Variants in PCDHGB6 observed in about 807,000 individuals in gnomAD.
PCDHGB6 encodes the protein protocadherin gamma subfamily B, 6.
In PCDHGB6, 51 loss-of-function variants were observed where a neutral mutation model predicts 59.1. The observed-to-expected ratio is 0.86, with a 90% CI of 0.69 to 1.09. The LOEUF is 1.09. Among genes scored for constraint, PCDHGB6 ranks in the 50% least tolerant of loss-of-function variants. The pLI is 0.00. For missense variants in PCDHGB6, 1,148 were observed against 1,205.1 expected, an observed-to-expected ratio of 0.95 and a Z score of 0.70; for synonymous variants, 466 against 495.1, an observed-to-expected ratio of 0.94 and a Z score of 0.78.
At position 141,487,710 on chromosome 5, in the gene PCDHGB6, G is replaced by A. The variant is rs199722860; in HGVS notation, c.2419-7097G>A. ...CTAGAGAGTACTGGCCTCTCAGTAA[G>A]TGCCCATAGTGATGTCACCATTTTT... On this transcript the variant is annotated intron_variant, in intron 1 of 3. Transcript: ENST00000520790. The surrounding 1 kb of genome is among the most constrained non-coding windows in gnomAD (Gnocchi z 5.0). 3.8e-4 allele frequency: 596 copies of A among 1,586,168 alleles called. No individual in the cohort carries two copies. The highest frequency in any genetic ancestry group is 4.5e-4 in the Non-Finnish European group (529 of 1,164,386).
At chr5:141,427,912 A>G in intron 1 of PCDHGB6, 1 of 1,577,806 alleles carries the variant, frequency 6.3e-7, no homozygotes, top group East Asian at 2.2e-5. Flanking sequence ...CTCAGCGCCA[A>G]CATGAGCCGG....
At chr5:141,418,654 G>C (rs2096278227) in intron 1 of PCDHGB6, 1 of 1,614,016 alleles carries the variant, frequency 6.2e-7, no homozygotes, top group African/African-American at 1.3e-5. Context: ...TGAGAGTGAA[G>C]GCCACTGACC....
chr5:141,488,113 T>C (rs1053996929), intron 1 of PCDHGB6, among the ~76,000 whole-genome samples: 1 of 152,084 alleles, frequency 6.6e-6, no homozygotes, highest in African/African-American at 2.4e-5. Flanking sequence ...ATTTGAAACA[T>C]AGAGACAGCA....
chr5:141,419,967 TTCTC>T (rs1324855239), intron 1 of PCDHGB6: 2 of 1,614,086 alleles, frequency 1.2e-6, no homozygotes, highest in Admixed American at 3.3e-5. Context: ...TCTGTGCTCT[TTCTC>T]CTCGCGGTGA....
chr5:141,508,904 T>C (rs1421450229), intron 3 of PCDHGB6, among the ~76,000 whole-genome samples: 2 of 151,336 alleles, frequency 1.3e-5, no homozygotes, highest in African/African-American at 4.9e-5. Context: ...GGCGGGGCGG[T>C]GGCGGATCTG....
At chr5:141,417,972 C>T (rs2154547391) in intron 1 of PCDHGB6, 2 of 1,613,830 alleles carry the variant, frequency 1.2e-6, no homozygotes, top group Admixed American at 1.7e-5. Flanking sequence ...TACTCGATTC[C>T]GGAGGAGCTG....
chr5:141,457,997 G>A (rs2098934533), intron 1 of PCDHGB6, among the ~76,000 whole-genome samples: 1 of 152,152 alleles, frequency 6.6e-6, no homozygotes, highest in Non-Finnish European at 1.5e-5. Context: ...TAAAGCCTTG[G>A]CAAAATAACC....
chr5:141,450,776 C>G (rs757791026), intron 1 of PCDHGB6, among the ~76,000 whole-genome samples: 1 of 151,440 alleles, frequency 6.6e-6, no homozygotes, highest in Non-Finnish European at 1.5e-5. Flanking sequence ...CATGAGCCAC[C>G]GTGCCCGGAC....
intron 1 of PCDHGB6, among the ~76,000 whole-genome samples, chr5:141,448,016 G>A (rs903673535): frequency 6.6e-6 from 1 of 152,006 alleles, no homozygotes; most frequent in South Asian, 2.1e-4. Context: ...AACCCAGGAG[G>A]TGGAGGTTGC....
At chr5:141,510,917 C>A in intron 3 of PCDHGB6, 30 bp from the exon 4 acceptor site, 2 of 1,613,854 alleles carry the variant, frequency 1.2e-6, no homozygotes, top group Non-Finnish European at 8.5e-7. Flanking sequence ...CTAAGTTTAG[C>A]TCCCACCTGA....
intron 1 of PCDHGB6, chr5:141,411,226 C>G (rs781690096): frequency 6.6e-6 from 1 of 151,996 alleles, no homozygotes; most frequent in South Asian, 2.1e-4. Flanking sequence ...TTCAAATTTG[C>G]GAAGACTTAG....
rs763104309 is a variant in PCDHGB6, at chr5:141,432,042, G to A, written c.2418+21422G>A. 5 of 1,614,090 alleles carry A rather than the reference G, an allele frequency of 3.1e-6. No homozygotes were observed. The African/African-American group carries it at 6.7e-5, about 22-fold the overall frequency. ...ATCACAGTGACCGCCACTGACCGGG[G>A]AACCCCGCCCCTATCCACGGAAACT... On this transcript the variant is annotated intron_variant, in intron 1 of 3. Transcript: ENST00000520790. The surrounding 1 kb of genome is among the most constrained non-coding windows in gnomAD (Gnocchi z 6.0).
intron 1 of PCDHGB6, chr5:141,422,075 G>A (rs1192481253): frequency 1.9e-6 from 3 of 1,612,092 alleles, no homozygotes; most frequent in East Asian, 2.2e-5. Flanking sequence ...TATTCATTTC[G>A]GAACATGGAA....
chr5:141,459,259 G>T (rs996530664), intron 1 of PCDHGB6, among the ~76,000 whole-genome samples: 1 of 152,140 alleles, frequency 6.6e-6, no homozygotes, highest in Non-Finnish European at 1.5e-5. Context: ...ATAAATTAGT[G>T]TTGCCTCTTT....
rs1039645331 is a variant in PCDHGB6, at chr5:141,420,373, T to C, written c.2418+9753T>C. ...TTTAAGATTCTAGATAACTTCTTCA[T>C]AGAGTTCGCAAAATATAGGTCAAAT... is the stretch of plus-strand genomic sequence containing the variant. On this transcript the variant is annotated intron_variant, in intron 1 of 3. Coordinates refer to ENST00000520790, the MANE Select transcript of PCDHGB6 (RefSeq NM_018926.3). 21 of 1,337,592 alleles carry C rather than the reference T, an allele frequency of 1.6e-5. No homozygotes were observed. In the African/African-American group the frequency reaches 2.4e-4, roughly 15 times the overall value. The allele number at this position is 1,337,592 out of a possible 1,614,324, so 82.9% of individuals were successfully genotyped here. A position where few individuals can be genotyped will look rare whatever the true frequency, so the allele number is the denominator to read the frequency against.
rs367728235 is a variant in PCDHGB6 at position 141,409,628 on chromosome 5, G to T, written c.1426G>T (p.Ala476Ser). Reference sequence around the variant, plus strand: ...AGGAGCCTCCATTGCGCAAGTGAGCGCCTCTGACCCGGATTTGGGGCTCAA... The same window carrying T: ...AGGAGCCTCCATTGCGCAAGTGAGCTCCTCTGACCCGGATTTGGGGCTCAA... ...PPGASIAQVS[A>S]SDPDLGLNGH... is the part of the protein sequence containing the mutation. The change falls in exon 1 of 4, where the codon GCC (alanine) becomes TCC (serine). Residue 476 changes from alanine (A) to serine (S), a missense_variant. Transcript: ENST00000520790. 6.2e-7 allele frequency: 1 copy of T among 1,613,848 alleles called. No individual in the cohort carries two copies.
At chr5:141,494,714 C>G in intron 1 of PCDHGB6, 93 bp from the exon 2 acceptor site, 2 of 1,603,958 alleles carry the variant, frequency 1.2e-6, no homozygotes, top group East Asian at 4.5e-5. Context: ...TGTGCCCACT[C>G]CCCTCCTTCT....
intron 1 of PCDHGB6, chr5:141,478,401 T>G: frequency 6.2e-7 from 1 of 1,613,480 alleles, no homozygotes; most frequent in South Asian, 1.1e-5. Context: ...CAGGTGTATC[T>G]CACCACGGAC....
At chr5:141,462,539 T>G (rs2099042077) in intron 1 of PCDHGB6, among the ~76,000 whole-genome samples, 1 of 152,184 alleles carries the variant, frequency 6.6e-6, no homozygotes, top group African/African-American at 2.4e-5. Flanking sequence ...TTCAGTGATC[T>G]TTTCTTCTTC....
Sources: gnomAD v4.1 joint callset for allele counts (sites outside exome capture counted in the v4.1 genomes callset) on GRCh38, gnomAD v4.1.1 for gene constraint, Gnocchi (gnomAD v3.1) non-coding constraint, MANE v1.5 for transcripts, NCBI Gene and HGNC (gene_info 2026-07-23, HGNC 2026-07-21) for gene names.